MAPT: variants seen among roughly 807,000 people sequenced by gnomAD.
The protein encoded by MAPT is microtubule associated protein tau.
MAPT carries 34 observed loss-of-function variants against 67.9 expected under a neutral mutation model. The observed-to-expected ratio is 0.50, with a 90% CI of 0.38 to 0.67. MAPT has a LOEUF of 0.67. Ranked by LOEUF, MAPT falls within the 30% of genes least tolerant of loss-of-function variation. The probability of loss-of-function intolerance (pLI) is 0.00; values close to 1 mark genes in which losing one functional copy is unlikely to be tolerated. For synonymous variants in MAPT, 456 were observed against 464.5 expected (o/e 0.98, Z 0.23); for missense variants, 881 against 1,115.2 (o/e 0.79, Z 2.99).
chr17:45,917,686 C>T (rs538086131), intron 1 of MAPT, among the ~76,000 whole-genome samples: 9 of 152,096 alleles, frequency 5.9e-5, no homozygotes, highest in African/African-American at 1.9e-4. Flanking sequence ...ATGACAAATG[C>T]TGTATGGGAA....
chr17:46,019,480 C>T (rs942745742), intron 12 of MAPT, among the ~76,000 whole-genome samples: 5 of 152,086 alleles, frequency 3.3e-5, no homozygotes, highest in Non-Finnish European at 7.4e-5. Flanking sequence ...GATCTTCCCA[C>T]CTCAGCCTCC....
At chr17:45,958,448 G>A (rs955348094) in intron 1 of MAPT, among the ~76,000 whole-genome samples, 1 of 152,176 alleles carries the variant, frequency 6.6e-6, no homozygotes, top group African/African-American at 2.4e-5. Context: ...GGGTCGGCGC[G>A]GCGGCTCATG....
chr17:45,966,727 TA>T (rs1455312949), intron 2 of MAPT, among the ~76,000 whole-genome samples: 3 of 152,246 alleles, frequency 2.0e-5, no homozygotes, highest in African/African-American at 7.2e-5. Context: ...ATATGTTTGC[TA>T]AAACTATTCA....
At chr17:45,916,440 G>A (rs2065213614) in intron 1 of MAPT, among the ~76,000 whole-genome samples, 1 of 152,122 alleles carries the variant, frequency 6.6e-6, no homozygotes, top group Non-Finnish European at 1.5e-5. Flanking sequence ...AACCCCGAGA[G>A]GCCACCTGGC....
intron 1 of MAPT, among the ~76,000 whole-genome samples, chr17:45,901,865 G>C (rs1258648771): frequency 2.0e-5 from 3 of 150,144 alleles, no homozygotes; most frequent in African/African-American, 7.3e-5. Context: ...TTTGGATTTT[G>C]GGTTTACATT....
Position 45,983,698 on chromosome 17 carries a change from C to T in MAPT, c.1119C>T (p.Pro373=), listed in dbSNP as rs762689602. The change falls in exon 5 of 13, where the codon CCC becomes CCT. Residue 373 remains proline, a synonymous_variant. Coordinates refer to ENST00000262410, the MANE Select transcript of MAPT (RefSeq NM_001377265.1). ...SVGRAKGQDA[P]LEFTFHVEIT... The stretch of plus-strand genomic sequence containing the variant: ...GGCGGGCCAAAGGGCAGGATGCCCC[C>T]CTGGAGTTCACGTTTCACGTGGAAA... 11 of 1,614,008 alleles carry T rather than the reference C, an allele frequency of 6.8e-6. No individual in the cohort carries two copies. The highest frequency in any genetic ancestry group is 3.4e-6 in the Non-Finnish European group (4 of 1,180,002).
intron 6 of MAPT, among the ~76,000 whole-genome samples, chr17:45,988,132 G>T (rs1598292401): frequency 6.6e-6 from 1 of 152,110 alleles, no homozygotes; most frequent in Admixed American, 6.5e-5. Context: ...CCCCAGCTTT[G>T]CTTTCTTGTC....
At chr17:45,964,281 A>G (rs1419076825) in intron 2 of MAPT, among the ~76,000 whole-genome samples, 1 of 151,872 alleles carries the variant, frequency 6.6e-6, no homozygotes, top group Admixed American at 6.6e-5. Flanking sequence ...ATATGTATAC[A>G]TGTGCCATGT....
intron 10 of MAPT, among the ~76,000 whole-genome samples, chr17:46,013,655 C>G (rs2075973245): frequency 6.6e-6 from 1 of 152,184 alleles, no homozygotes; most frequent in South Asian, 2.1e-4. Flanking sequence ...TCCGCTGGGT[C>G]CTGCTTACTG....
At chr17:45,937,361 G>A (rs2067432084) in intron 1 of MAPT, among the ~76,000 whole-genome samples, 1 of 152,174 alleles carries the variant, frequency 6.6e-6, no homozygotes, top group African/African-American at 2.4e-5. Context: ...GCTGAGGCAG[G>A]AGGATCATTT....
At chr17:45,963,946 G>A (rs2070742398) in intron 2 of MAPT, among the ~76,000 whole-genome samples, 1 of 152,182 alleles carries the variant, frequency 6.6e-6, no homozygotes, top group African/African-American at 2.4e-5. Context: ...GGGGGTAGGT[G>A]AAGGAAGACA....
intron 1 of MAPT, among the ~76,000 whole-genome samples, chr17:45,961,158 G>T (rs905031424): frequency 6.0e-5 from 9 of 150,904 alleles, no homozygotes; most frequent in African/African-American, 2.2e-4. Context: ...GCAACAAAGC[G>T]AGACTCTATC....
chr17:45,965,967 C>T (rs1267384959), intron 2 of MAPT, among the ~76,000 whole-genome samples: 3 of 152,170 alleles, frequency 2.0e-5, no homozygotes, highest in African/African-American at 4.8e-5. Context: ...ATGGCTGCAG[C>T]CCCACATGGA....
Position 45,961,125 on chromosome 17 carries a change from C to T in MAPT, c.-17-1196C>T, listed in dbSNP as rs192424928. On this transcript the variant is annotated intron_variant, in intron 1 of 12. Coordinates refer to ENST00000262410, the MANE Select transcript of MAPT (RefSeq NM_001377265.1). ...CACCTGGGCTGCAGGGAGCAGAGAT[C>T]GCGACACTGCACTCCAGCCTGGGCA... Among the ~76,000 whole-genome samples the T allele has an allele frequency of 3.1e-4, 47 of 151,628 alleles. No individual in the cohort carries two copies. In the East Asian group the frequency reaches 7.4e-3, roughly 24 times the overall value.
At chr17:46,011,350 C>T (rs559293015) in intron 10 of MAPT, among the ~76,000 whole-genome samples, 1 of 152,294 alleles carries the variant, frequency 6.6e-6, no homozygotes, top group South Asian at 2.1e-4. Context: ...GAGCCATGAT[C>T]GCGCCACTGC....
At chr17:46,019,777 G>A (rs922639385) in intron 12 of MAPT, among the ~76,000 whole-genome samples, 10 of 151,146 alleles carry the variant, frequency 6.6e-5, no homozygotes, top group Admixed American at 2.6e-4. Flanking sequence ...CTTGGGAGGC[G>A]AAGGTGGGCA....
At chr17:45,898,590 C>G (rs1189700051) in intron 1 of MAPT, 3 of 152,140 alleles carry the variant, frequency 2.0e-5, no homozygotes, top group Admixed American at 6.5e-5. Context: ...TCCACTTTCC[C>G]TCAGCATTTA....
At chr17:46,003,417 TACAA>T (rs2075179993) in intron 9 of MAPT, among the ~76,000 whole-genome samples, 1 of 152,064 alleles carries the variant, frequency 6.6e-6, no homozygotes, top group Non-Finnish European at 1.5e-5. Flanking sequence ...TAGCTGGGAT[TACAA>T]GCACACACCA....
At chr17:46,019,815 C>G (rs540383921) in intron 12 of MAPT, among the ~76,000 whole-genome samples, 5 of 151,454 alleles carry the variant, frequency 3.3e-5, no homozygotes, top group African/African-American at 1.2e-4. Context: ...AGTTCAAGAC[C>G]AGCCTGGCCA....
Sources: allele counts gnomAD v4.1 joint callset (sites outside exome capture counted in the v4.1 genomes callset), GRCh38; gene constraint gnomAD v4.1.1; transcripts MANE v1.5; gene names NCBI Gene and HGNC (gene_info 2026-07-23, HGNC 2026-07-21).